LRP2: variants seen among roughly 807,000 people sequenced by gnomAD.
LRP2 encodes the protein low-density lipoprotein receptor-related protein 2.
Under a neutral mutation model 531.0 loss-of-function variants are expected in LRP2, and 172 were observed. That is an observed-to-expected ratio of 0.32 (90% confidence interval 0.29 to 0.37). The LOEUF is 0.37. Among genes scored for constraint, LRP2 ranks in the 10% least tolerant of loss-of-function variants. The probability of loss-of-function intolerance (pLI) is 1.00; values close to 1 mark genes in which losing one functional copy is unlikely to be tolerated. For missense variants in LRP2, 5,167 were observed against 5,868.3 expected (o/e 0.88, Z 3.90); for synonymous variants, 1,992 against 2,027.6 (o/e 0.98, Z 0.47).
intron 13 of LRP2, 175 bp from the exon 14 acceptor site, chr2:169,275,413 G>A (rs1683527020): frequency 3.3e-6 from 2 of 609,354 alleles, no homozygotes; most frequent in Admixed American, 5.4e-5. Context: ...ACATATGATA[G>A]AAGGATTTTC....
At chr2:169,164,230 AG>A (rs1686694806) in intron 62 of LRP2, among the ~76,000 whole-genome samples, 1 of 152,184 alleles carries the variant, frequency 6.6e-6, no homozygotes, top group South Asian at 2.1e-4. Context: ...AATACCTATC[AG>A]GCACAGAAGG....
rs778187256 is a variant in LRP2 at position 169,201,890 on chromosome 2, G to C, written c.8210-20C>G. Reference sequence around the variant, plus strand: ...GAAGTGCTAAGAACAGGAAAAACATGAGAACAAACCCTCTTGATTAAAACA... The same window carrying C: ...GAAGTGCTAAGAACAGGAAAAACATCAGAACAAACCCTCTTGATTAAAACA... On this transcript the variant is annotated intron_variant, in intron 43 of 78. Coordinates refer to ENST00000649046, the MANE Select transcript of LRP2 (RefSeq NM_004525.3). 7 of 1,613,774 alleles carry C rather than the reference G, an allele frequency of 4.3e-6. No individual in the cohort carries two copies. The highest frequency in any genetic ancestry group is 5.9e-6 in the Non-Finnish European group (7 of 1,179,960).
chr2:169,186,281 T>C (rs1687634942), intron 49 of LRP2, among the ~76,000 whole-genome samples: 1 of 152,118 alleles, frequency 6.6e-6, no homozygotes, highest in African/African-American at 2.4e-5. Flanking sequence ...GCCTGGCCAG[T>C]GTGCTGGTCA....
At chr2:169,346,402 G>C (rs1418526692) in intron 1 of LRP2, among the ~76,000 whole-genome samples, 1 of 152,072 alleles carries the variant, frequency 6.6e-6, no homozygotes, top group Non-Finnish European at 1.5e-5. Context: ...TAGGGAAGAA[G>C]TAAATTCTTA....
chr2:169,244,572 T>A, intron 22 of LRP2, 121 bp downstream of exon 22: 2 of 1,308,264 alleles, frequency 1.5e-6, no homozygotes, highest in Non-Finnish European at 2.2e-6. Context: ...ACAAGTGGAA[T>A]AGAAGTACTA....
intron 4 of LRP2, among the ~76,000 whole-genome samples, chr2:169,305,279 C>G (rs527949757): frequency 6.6e-6 from 1 of 152,214 alleles, no homozygotes; most frequent in South Asian, 2.1e-4. Context: ...AAGCATAGGT[C>G]TTGCTTTTGC....
intron 19 of LRP2, among the ~76,000 whole-genome samples, chr2:169,255,435 C>T (rs830956): frequency 0.53 from 80,852 of 152,068 alleles, 22,234 homozygotes; most frequent in South Asian, 0.75. Context: ...CAGGCAAGCA[C>T]TGGCTGTGCT....
chr2:169,157,884 A>G (rs1439987434), intron 63 of LRP2, among the ~76,000 whole-genome samples: 1 of 150,354 alleles, frequency 6.7e-6, no homozygotes, highest in Non-Finnish European at 1.5e-5. Context: ...AGATAGAGAG[A>G]TAGATGATAG....
At chr2:169,159,693 G>T (rs1316188877) in intron 63 of LRP2, among the ~76,000 whole-genome samples, 1 of 151,968 alleles carries the variant, frequency 6.6e-6, no homozygotes, top group Non-Finnish European at 1.5e-5. Flanking sequence ...TTGAATTTCT[G>T]TGAGATTAGC....
At chr2:169,246,619 A>G in intron 21 of LRP2, 86 bp downstream of exon 21, 1 of 1,495,368 alleles carries the variant, frequency 6.7e-7, no homozygotes, top group Non-Finnish European at 9.3e-7. Flanking sequence ...TTCCCATATA[A>G]ATAGCCCAAG....
intron 1 of LRP2, among the ~76,000 whole-genome samples, chr2:169,326,950 G>A (rs1282593520): frequency 4.1e-5 from 6 of 147,126 alleles, no homozygotes; most frequent in East Asian, 2.1e-4. Flanking sequence ...CAGCCGCCCC[G>A]TCTGAGAAGT....
chr2:169,269,520 A>T lies in LRP2; in HGVS notation c.2320+1384T>A, dbSNP rs193026758. ...AAATGGGGAAAGGATTCCCTATTTA[A>T]TAAATGGTACTGGGAAAACTGGCTA... On this transcript the variant is annotated intron_variant, in intron 16 of 78. Transcript: ENST00000649046. Among the ~76,000 whole-genome samples the T allele has an allele frequency of 7.2e-3, 1,094 of 152,348 alleles. 17 individuals are homozygous for T. Among genetic ancestry groups the T allele is most frequent in the African/African-American group, 0.023 (944 of 41,570 alleles).
chr2:169,286,843 A>G lies in LRP2; in HGVS notation c.1042+2183T>C, dbSNP rs370289063. On this transcript the variant is annotated intron_variant, in intron 9 of 78. Transcript: ENST00000649046. Reference sequence around the variant, plus strand: ...CTCTTTGGGAGTTGATAAAGGAAAAAGAGAGAAAAGCTGATGTAATACTGA... The same window carrying G: ...CTCTTTGGGAGTTGATAAAGGAAAAGGAGAGAAAAGCTGATGTAATACTGA... 2.0e-3 allele frequency among the ~76,000 whole-genome samples: 311 copies of G among 151,984 alleles called. 5 individuals are homozygous for G. The South Asian group carries it at 0.044, about 21-fold the overall frequency.
In LRP2 at chr2:169,290,904, C is replaced by T. The variant is rs147110349; in HGVS notation, c.863G>A (p.Gly288Glu). ...RCISIYKVCD[G>E]ILDCPGREDE... ...TTCTCTTCCTGGGCAATCTAAAATCCCATCACAAACTTTATAAATGGAGAT... is the reference window on the plus strand; with the variant it reads ...TTCTCTTCCTGGGCAATCTAAAATCTCATCACAAACTTTATAAATGGAGAT... The change falls in exon 8 of 79, where the codon GGG (glycine) becomes GAG (glutamate). Residue 288 changes from glycine to glutamate, a missense_variant. Gly to Glu is a moderately conservative substitution (Grantham distance 98). Around this residue, in one of 6 missense-constraint regions of LRP2, gnomAD observed 2,811 missense variants for 3,058.0 expected, o/e 0.92. Transcript: ENST00000649046. 14 of 1,614,082 alleles carry T rather than the reference C, an allele frequency of 8.7e-6. No individual in the cohort carries two copies. In the East Asian group the frequency reaches 3.1e-4, roughly 36 times the overall value.
At position 169,244,744 on chromosome 2, in the gene LRP2, C is replaced by T. The variant is rs200860731; in HGVS notation, c.3379G>A (p.Val1127Ile). Residue 1127 changes from valine (V) to isoleucine (I), a missense_variant, in exon 22 of 79, where the codon GTC becomes ATC. By Grantham distance (29) the Val-to-Ile change is conservative. Around this residue, in one of 6 missense-constraint regions of LRP2, gnomAD observed 2,811 missense variants for 3,058.0 expected, o/e 0.92. Coordinates refer to ENST00000649046, the MANE Select transcript of LRP2 (RefSeq NM_004525.3). ...DNHQCISKNW[V>I]CDTDNDCGDG... ...CCACAATCATTGTCTGTGTCACAGA[C>T]CCAGTTCTTTGAGATACACTGGTGA... 111 of 1,614,050 alleles carry T rather than the reference C, an allele frequency of 6.9e-5. No homozygotes were observed. The highest frequency in any genetic ancestry group is 9.2e-5 in the Non-Finnish European group (108 of 1,180,012).
chr2:169,157,306 G>A (rs1686367087), intron 64 of LRP2, 65 bp downstream of exon 64: 3 of 1,483,936 alleles, frequency 2.0e-6, no homozygotes, highest in Admixed American at 3.4e-5. Flanking sequence ...TTAACAAAGG[G>A]GAGTGGGTGG....
At chr2:169,304,971 A>T (rs1251489297) in intron 4 of LRP2, among the ~76,000 whole-genome samples, 1 of 152,172 alleles carries the variant, frequency 6.6e-6, no homozygotes, top group Non-Finnish European at 1.5e-5. Context: ...GGAATAGAAA[A>T]CCAAACGCCA....
chr2:169,196,360 T>C (rs1341767987), intron 46 of LRP2, among the ~76,000 whole-genome samples: 1 of 152,188 alleles, frequency 6.6e-6, no homozygotes, highest in Non-Finnish European at 1.5e-5. Flanking sequence ...TGTGCATGGA[T>C]ATAGATTAGA....
chr2:169,289,258 C>T (rs781777396), intron 8 of LRP2, 113 bp from the exon 9 acceptor site: 29 of 1,366,544 alleles, frequency 2.1e-5, no homozygotes, highest in Non-Finnish European at 3.0e-5. Flanking sequence ...AGTAGATGTA[C>T]AGAAAAATCT....
Sources: allele counts gnomAD v4.1 joint callset (sites outside exome capture counted in the v4.1 genomes callset), GRCh38; gene constraint gnomAD v4.1.1; regional missense constraint gnomAD v4.1.1; transcripts MANE v1.5; gene names NCBI Gene and HGNC (gene_info 2026-07-23, HGNC 2026-07-21).